The following FAM117B variants were observed in gnomAD, a reference collection of about 807,000 sequenced individuals.
FAM117B encodes family with sequence similarity 117 member B.
FAM117B carries 22 observed loss-of-function variants against 52.8 expected under a neutral mutation model. The observed-to-expected ratio is 0.42, with a 90% CI of 0.30 to 0.59. The LOEUF (loss-of-function observed/expected upper bound fraction) is 0.59. Among genes scored for constraint, FAM117B ranks in the 20% least tolerant of loss-of-function variants. FAM117B has a pLI of 0.22. For missense variants in FAM117B, 678 were observed against 802.6 expected, an observed-to-expected ratio of 0.84 and a Z score of 1.88; for synonymous variants, 309 against 324.1, an observed-to-expected ratio of 0.95 and a Z score of 0.50.
chr2:202,762,693 G>C (rs746821461), intron 7 of FAM117B, among the ~76,000 whole-genome samples: 2 of 151,780 alleles, frequency 1.3e-5, no homozygotes, highest in African/African-American at 2.4e-5. Flanking sequence ...CATATCCTGT[G>C]GTGGGTCATG....
chr2:202,666,699 C>T (rs149672748), intron 1 of FAM117B, among the ~76,000 whole-genome samples: 11,078 of 142,698 alleles, frequency 0.078, 1,485 homozygotes, highest in African/African-American at 0.28. Flanking sequence ...GACAGAGTCT[C>T]GCTCTGCTGC....
intron 4 of FAM117B, among the ~76,000 whole-genome samples, chr2:202,747,183 A>T (rs904780233): frequency 6.6e-6 from 1 of 152,194 alleles, no homozygotes; most frequent in African/African-American, 2.4e-5. Context: ...AAAACCAACA[A>T]TCATTGTAAT....
intron 1 of FAM117B, among the ~76,000 whole-genome samples, chr2:202,676,996 T>C (rs1690387526): frequency 6.6e-6 from 1 of 151,876 alleles, no homozygotes. Context: ...CCCTTACCAC[T>C]AATAGCATGG....
chr2:202,679,142 G>C (rs1690425854), intron 1 of FAM117B, among the ~76,000 whole-genome samples: 2 of 152,144 alleles, frequency 1.3e-5, no homozygotes, highest in African/African-American at 2.4e-5. Context: ...TGAGAAAATT[G>C]GTCAAAAGAT....
intron 1 of FAM117B, among the ~76,000 whole-genome samples, chr2:202,661,906 G>A (rs376423660): frequency 2.2e-5 from 3 of 139,344 alleles, no homozygotes; most frequent in East Asian, 2.0e-4. Context: ...GGGCAACAGA[G>A]CAAGATTCCA....
intron 1 of FAM117B, among the ~76,000 whole-genome samples, chr2:202,675,766 C>T (rs1055168515): frequency 3.3e-5 from 5 of 152,056 alleles, no homozygotes; most frequent in Admixed American, 3.3e-4. Flanking sequence ...GGGCAGATCA[C>T]TTGAGGTCAG....
chr2:202,636,555 T>G (rs988343870), intron 1 of FAM117B, among the ~76,000 whole-genome samples: 4 of 152,238 alleles, frequency 2.6e-5, no homozygotes, highest in African/African-American at 9.6e-5. Context: ...GGGAAGGTCC[T>G]GAATGGAGCT....
chr2:202,640,295 AATATATATAT>A (rs539187347), intron 1 of FAM117B, among the ~76,000 whole-genome samples: 1,327 of 51,262 alleles, frequency 0.026, 49 homozygotes, highest in East Asian at 0.071. Flanking sequence ...ACCACCACAA[AATATATATAT>A]ATATATATAT....
chr2:202,638,793 A>T (rs1689723500), intron 1 of FAM117B, among the ~76,000 whole-genome samples: 1 of 152,174 alleles, frequency 6.6e-6, no homozygotes, highest in Non-Finnish European at 1.5e-5. Context: ...CTAGAAAAAT[A>T]AAAACTCTTA....
intron 2 of FAM117B, among the ~76,000 whole-genome samples, chr2:202,719,776 T>G (rs1691120717): frequency 6.6e-6 from 1 of 152,198 alleles, no homozygotes; most frequent in South Asian, 2.1e-4. Context: ...CATTTACATG[T>G]CATTTCTCTT....
intron 1 of FAM117B, among the ~76,000 whole-genome samples, chr2:202,678,559 C>T (rs1690412397): frequency 6.6e-6 from 1 of 151,984 alleles, no homozygotes. Context: ...TGAGTGGATC[C>T]AGTGTTTTTT....
At chr2:202,740,173 C>CAAAAAAAAAAAAAAAAAAAAAAA (rs1358404767) in intron 4 of FAM117B, among the ~76,000 whole-genome samples, 1 of 69,672 alleles carries the variant, frequency 1.4e-5, no homozygotes. Flanking sequence ...ACTTCATCCC[C>CAAAAAAAAAAAAAAAAAAAAAAA]CAAAAAAAAA....
At chr2:202,640,166 G>A (rs1689746303) in intron 1 of FAM117B, among the ~76,000 whole-genome samples, 1 of 150,780 alleles carries the variant, frequency 6.6e-6, no homozygotes, top group African/African-American at 2.4e-5. Context: ...AGCTACCGGG[G>A]AGGCAGAGGC....
At chr2:202,749,569 C>T (rs1417317806) in intron 4 of FAM117B, among the ~76,000 whole-genome samples, 1 of 151,886 alleles carries the variant, frequency 6.6e-6, no homozygotes, top group Non-Finnish European at 1.5e-5. Context: ...GTTGTTATCT[C>T]TGGTGATTGA....
chr2:202,678,363 C>T (rs1176041947), intron 1 of FAM117B, among the ~76,000 whole-genome samples: 1 of 152,104 alleles, frequency 6.6e-6, no homozygotes, highest in African/African-American at 2.4e-5. Flanking sequence ...GCATAGGGCT[C>T]AGGGGATTGA....
chr2:202,668,055 T>A (rs952252415), intron 1 of FAM117B, among the ~76,000 whole-genome samples: 2 of 147,220 alleles, frequency 1.4e-5, no homozygotes, highest in African/African-American at 5.0e-5. Flanking sequence ...ATCTTTAAAA[T>A]ATATATATAT....
chr2:202,685,525 G>A (rs959889324), intron 1 of FAM117B, among the ~76,000 whole-genome samples: 3 of 152,032 alleles, frequency 2.0e-5, no homozygotes, highest in Admixed American at 1.3e-4. Context: ...ATATGAAACT[G>A]CAAAGACTAA....
chr2:202,654,502 AT>A (rs1235713429), intron 1 of FAM117B, among the ~76,000 whole-genome samples: 2 of 151,920 alleles, frequency 1.3e-5, no homozygotes, highest in Middle Eastern at 3.2e-3. Flanking sequence ...CCCATTGGAA[AT>A]TTTTTTTAAT....
In FAM117B at chr2:202,716,700, C is replaced by T. The variant is rs529847744; in HGVS notation, c.754-8217C>T. On this transcript the variant is annotated intron_variant, in intron 2 of 7. Coordinates refer to ENST00000392238, the MANE Select transcript of FAM117B (RefSeq NM_173511.4). The stretch of plus-strand genomic sequence containing the variant: ...TCCGGTAGGCATGCTTTATTGTTTT[C>T]GTTTTCTTTTTTTTCTTTTGTCTCT... Among the ~76,000 whole-genome samples, 85 of 152,080 alleles carry T rather than the reference C, an allele frequency of 5.6e-4. No individual in the cohort carries two copies. The South Asian group carries it at 7.7e-3, about 14-fold the overall frequency.
Sources: gnomAD v4.1 joint callset for allele counts (sites outside exome capture counted in the v4.1 genomes callset) on GRCh38, gnomAD v4.1.1 for gene constraint, MANE v1.5 for transcripts, NCBI Gene and HGNC (gene_info 2026-07-23, HGNC 2026-07-21) for gene names.